Variants in SHISA9 observed in about 807,000 individuals in gnomAD.
The protein encoded by SHISA9 is shisa family member 9, also known as protein shisa-9.
SHISA9 carries 13 observed loss-of-function variants against 38.0 expected under a neutral mutation model. The ratio of observed to expected loss-of-function variants is 0.34; its 90% CI spans 0.22 to 0.54. The LOEUF is 0.54. Ranked by LOEUF, SHISA9 falls within the 20% of genes least tolerant of loss-of-function variation. The pLI, the probability that SHISA9 is intolerant of heterozygous loss-of-function variation, is 0.91. For missense variants in SHISA9, 538 were observed against 575.8 expected (o/e 0.93, Z 0.67); for synonymous variants, 275 against 242.0 (o/e 1.14, Z -1.27).
rs372256944 is a variant in SHISA9, at chr16:13,196,396, CA to C, written c.692-6984del. Among the ~76,000 whole-genome samples the C allele has an allele frequency of 1.2e-3, 125 of 101,338 alleles. 3 individuals carry two copies. Among genetic ancestry groups the C allele is most frequent in the African/African-American group, 2.2e-3 (56 of 25,556 alleles). The allele number at this position is 101,338 out of a possible 152,430, so 66.5% of individuals were successfully genotyped here. ...TGGGCGACAGAGCGAGACTCCGTCTCAAAAAAAAAAAAAAGAAAGAAAAAAA... is the reference window on the plus strand; with the variant it reads ...TGGGCGACAGAGCGAGACTCCGTCTCAAAAAAAAAAAAAGAAAGAAAAAAA... On this transcript the variant is annotated intron_variant, in intron 2 of 4. Coordinates refer to ENST00000558583, the MANE Select transcript of SHISA9 (RefSeq NM_001145204.3).
chr16:13,074,051 C>A (rs1427873856), intron 2 of SHISA9, among the ~76,000 whole-genome samples: 4 of 148,812 alleles, frequency 2.7e-5, no homozygotes, highest in Non-Finnish European at 5.9e-5. Flanking sequence ...CTCACTGCAA[C>A]CTCTACCTCC....
chr16:12,982,711 T>G (rs2072256489), intron 2 of SHISA9, among the ~76,000 whole-genome samples: 1 of 152,222 alleles, frequency 6.6e-6, no homozygotes, highest in South Asian at 2.1e-4. Context: ...TCCTTGTTTC[T>G]CTCAGCCACA....
intron 2 of SHISA9, among the ~76,000 whole-genome samples, chr16:13,098,957 G>T (rs1289296934): frequency 6.6e-6 from 1 of 152,244 alleles, no homozygotes; most frequent in African/African-American, 2.4e-5. Context: ...TAAAAGAAAA[G>T]GATTGTATAC....
At chr16:12,982,299 C>T (rs1369923266) in intron 2 of SHISA9, among the ~76,000 whole-genome samples, 1 of 152,154 alleles carries the variant, frequency 6.6e-6, no homozygotes, top group African/African-American at 2.4e-5. Flanking sequence ...AATTCAGTTT[C>T]TCTGTCACAC....
the SHISA9 span, among the ~76,000 whole-genome samples, chr16:13,395,812 T>C: frequency 6.6e-6 from 1 of 152,220 alleles, no homozygotes; most frequent in Admixed American, 6.5e-5. Flanking sequence ...TTGAACTAAA[T>C]GGAACCAGTT....
At chr16:12,926,134 G>A (rs2071390817) in intron 2 of SHISA9, among the ~76,000 whole-genome samples, 1 of 152,112 alleles carries the variant, frequency 6.6e-6, no homozygotes, top group Non-Finnish European at 1.5e-5. Flanking sequence ...ACCTGCCCAA[G>A]GTCACAGAGA....
chr16:13,426,487 C>A, the SHISA9 span, among the ~76,000 whole-genome samples: 1 of 152,160 alleles, frequency 6.6e-6, no homozygotes, highest in African/African-American at 2.4e-5. Flanking sequence ...GTGTACCTTT[C>A]CCCTGCCATC....
chr16:13,509,153 G>A, the SHISA9 span, among the ~76,000 whole-genome samples: 1 of 152,044 alleles, frequency 6.6e-6, no homozygotes, highest in East Asian at 1.9e-4. Flanking sequence ...TGCATAATCT[G>A]TCTTGAACTT....
intron 3 of SHISA9, among the ~76,000 whole-genome samples, chr16:13,208,171 G>T (rs187114862): frequency 6.6e-6 from 1 of 152,188 alleles, no homozygotes; most frequent in African/African-American, 2.4e-5. Flanking sequence ...ACTATAAGAT[G>T]TCCAAGTTCC....
the SHISA9 span, among the ~76,000 whole-genome samples, chr16:13,447,986 C>T: frequency 5.3e-5 from 8 of 152,174 alleles, no homozygotes; most frequent in African/African-American, 1.9e-4. Context: ...AGAGAGAAAC[C>T]TGAAAAGGAA....
At chr16:13,364,060 C>T in the SHISA9 span, among the ~76,000 whole-genome samples, 12 of 152,120 alleles carry the variant, frequency 7.9e-5, no homozygotes, top group Admixed American at 3.9e-4. Flanking sequence ...TAAGAAACAA[C>T]GAGAAAACAA....
chr16:13,250,085 T>A, the SHISA9 span, among the ~76,000 whole-genome samples: 1 of 152,176 alleles, frequency 6.6e-6, no homozygotes, highest in Non-Finnish European at 1.5e-5. Context: ...CTTCCATACC[T>A]AGTCTTTATA....
rs544396740 is a variant in SHISA9 at position 12,920,906 on chromosome 16, G to A, written c.691+4091G>A. On this transcript the variant is annotated intron_variant, in intron 2 of 4. Coordinates refer to ENST00000558583, the MANE Select transcript of SHISA9 (RefSeq NM_001145204.3). ...ACACTTTGATCATAGAATTTTGGTTGTGCAGTATTGCATAATGATGTGGTA... is the reference window on the plus strand; with the variant it reads ...ACACTTTGATCATAGAATTTTGGTTATGCAGTATTGCATAATGATGTGGTA... 9.8e-5 allele frequency among the ~76,000 whole-genome samples: 15 copies of A among 152,304 alleles called. No individual in the cohort carries two copies. In the South Asian group the frequency reaches 2.9e-3, roughly 29 times the overall value.
At chr16:12,944,218 C>G (rs1332114861) in intron 2 of SHISA9, among the ~76,000 whole-genome samples, 1 of 152,202 alleles carries the variant, frequency 6.6e-6, no homozygotes, top group Non-Finnish European at 1.5e-5. Context: ...AATTTCTCAG[C>G]CTAGTACAAT....
chr16:13,277,597 G>A, the SHISA9 span, among the ~76,000 whole-genome samples: 5 of 152,000 alleles, frequency 3.3e-5, no homozygotes, highest in African/African-American at 4.8e-5. Context: ...ATTTCTTTCA[G>A]CAGTGTTTTG....
At chr16:13,075,582 G>T (rs117746939) in intron 2 of SHISA9, among the ~76,000 whole-genome samples, 6 of 152,118 alleles carry the variant, frequency 3.9e-5, no homozygotes, top group African/African-American at 9.7e-5. Context: ...TCAACCTAAG[G>T]CTTTCTGGAT....
At chr16:13,290,032 A>G in the SHISA9 span, among the ~76,000 whole-genome samples, 124 of 152,276 alleles carry the variant, frequency 8.1e-4, 1 homozygote, top group African/African-American at 2.9e-3. Context: ...TTCAACAAAT[A>G]TTTACTATTC....
chr16:13,192,233 G>A (rs1434538344), intron 2 of SHISA9, among the ~76,000 whole-genome samples: 3 of 152,140 alleles, frequency 2.0e-5, no homozygotes, highest in African/African-American at 7.2e-5. Context: ...AAGGGAGGTG[G>A]ATGGGAAAGG....
chr16:12,963,807 G>A (rs1307423472), intron 2 of SHISA9, among the ~76,000 whole-genome samples: 4 of 152,136 alleles, frequency 2.6e-5, no homozygotes, highest in Admixed American at 1.3e-4. Context: ...AGTTGTGAAC[G>A]GCAGAAAATT....
Sources: gnomAD v4.1 joint callset for allele counts (sites outside exome capture counted in the v4.1 genomes callset) on GRCh38, gnomAD v4.1.1 for gene constraint, MANE v1.5 for transcripts, NCBI Gene and HGNC (gene_info 2026-07-23, HGNC 2026-07-21) for gene names.